Variants in TFDP1 observed in about 807,000 individuals in gnomAD.
The protein encoded by TFDP1 is transcription factor Dp-1.
In TFDP1, 6 loss-of-function variants were observed where a neutral mutation model predicts 48.0. The ratio of observed to expected loss-of-function variants is 0.13; its 90% CI spans 0.07 to 0.25. TFDP1 has a LOEUF of 0.25. Among genes scored for constraint, TFDP1 ranks in the 10% least tolerant of loss-of-function variants. The pLI is 1.00. For missense variants in TFDP1, 335 were observed against 543.0 expected, an observed-to-expected ratio of 0.62 and a Z score of 3.81; for synonymous variants, 201 against 211.6, an observed-to-expected ratio of 0.95 and a Z score of 0.44.
intron 3 of TFDP1, among the ~76,000 whole-genome samples, chr13:113,619,852 G>A (rs2048955509): frequency 6.6e-6 from 1 of 152,132 alleles, no homozygotes; most frequent in Non-Finnish European, 1.5e-5. Context: ...GCTGGGAGGG[G>A]CCCTCTGTGC....
chr13:113,631,543 G>A, intron 4 of TFDP1, 80 bp from the exon 5 acceptor site: 12 of 1,518,896 alleles, frequency 7.9e-6, no homozygotes, highest in Non-Finnish European at 1.1e-5. Flanking sequence ...AGTGGCTGCG[G>A]ATAGCGAACA....
At position 113,598,334 on chromosome 13, in the gene TFDP1, T is replaced by G. The variant is rs1241694116; in HGVS notation, c.12+12485T>G. On this transcript the variant is annotated intron_variant, in intron 2 of 11. Coordinates refer to ENST00000375370, the MANE Select transcript of TFDP1 (RefSeq NM_007111.5). The surrounding 1 kb of genome is among the most constrained non-coding windows in gnomAD (Gnocchi z 4.2). The stretch of plus-strand genomic sequence containing the variant: ...TGCCTGTTGTAGACTAGAGCATCAT[T>G]TGGTGTTTTTCTGCTGGAAAAGCAG... Among the ~76,000 whole-genome samples the G allele has an allele frequency of 6.6e-6, 1 of 152,126 alleles. No homozygotes were observed. The highest frequency in any genetic ancestry group is 6.5e-5 in the Admixed American group (1 of 15,278).
At chr13:113,616,762 G>A (rs1199661343) in intron 3 of TFDP1, among the ~76,000 whole-genome samples, 4 of 152,142 alleles carry the variant, frequency 2.6e-5, no homozygotes, top group Admixed American at 6.6e-5. Context: ...CTTGCCCCCC[G>A]ACACACGCAC....
chr13:113,620,929 C>G (rs533687044), intron 3 of TFDP1, among the ~76,000 whole-genome samples: 8 of 152,294 alleles, frequency 5.3e-5, no homozygotes, highest in Non-Finnish European at 8.8e-5. Flanking sequence ...TAATCACTTC[C>G]TAATGATCTG....
Position 113,641,151 on chromosome 13 carries a change from T to C in TFDP1, c.*884T>C, listed in dbSNP as rs572993258. 1 of 152,786 alleles carries C rather than the reference T, an allele frequency of 6.5e-6. No homozygotes were observed. Among genetic ancestry groups the C allele is most frequent in the Admixed American group, 6.5e-5 (1 of 15,308 alleles). 9.5% of individuals were successfully genotyped at this position (152,786 alleles called of 1,614,324 possible). On this transcript the variant is annotated 3_prime_UTR_variant, in exon 12 of 12. Coordinates refer to ENST00000375370, the MANE Select transcript of TFDP1 (RefSeq NM_007111.5). ...TTCATAAGCATCTTCCTGTAATCTA[T>C]TATAAAATTGAAATTAAATATAGAG...
intron 2 of TFDP1, 124 bp from the exon 3 acceptor site, chr13:113,610,872 A>G: frequency 3.5e-6 from 3 of 848,556 alleles, no homozygotes; most frequent in Non-Finnish European, 5.8e-6. Flanking sequence ...TTGCTTGCTT[A>G]ACTGTGGTCC....
rs2049197788 is a variant in TFDP1 at position 113,627,017 on chromosome 13, G to A, written c.186+3731G>A. Among the ~76,000 whole-genome samples the A allele has an allele frequency of 6.6e-6, 1 of 152,248 alleles. No individual in the cohort carries two copies. The highest frequency in any genetic ancestry group is 6.5e-5 in the Admixed American group (1 of 15,290). Reference sequence around the variant, plus strand: ...TCCTGATTTAAATTCAGCTGTTCGGGTGGAGTTTGTCATTGCTGTTTTGTG... The same window carrying A: ...TCCTGATTTAAATTCAGCTGTTCGGATGGAGTTTGTCATTGCTGTTTTGTG... On this transcript the variant is annotated intron_variant, in intron 4 of 11. Coordinates refer to ENST00000375370, the MANE Select transcript of TFDP1 (RefSeq NM_007111.5). This position sits in a 1 kb window ranked among gnomAD's most constrained non-coding sequence, Gnocchi z 4.1.
chr13:113,614,289 G>A (rs1351864166), intron 3 of TFDP1, among the ~76,000 whole-genome samples: 2 of 152,138 alleles, frequency 1.3e-5, no homozygotes, highest in African/African-American at 4.8e-5. Flanking sequence ...GTGTAAGCGT[G>A]CAGTCCTCGC....
chr13:113,591,009 CAAAAAAAAAAA>C (rs71101595), intron 2 of TFDP1, among the ~76,000 whole-genome samples: 1 of 59,858 alleles, frequency 1.7e-5, no homozygotes, highest in African/African-American at 7.0e-5. Flanking sequence ...GACTCTGTCT[CAAAAAAAAAAA>C]AAAAAAAAAA....
intron 2 of TFDP1, among the ~76,000 whole-genome samples, chr13:113,605,948 G>A (rs192078494): frequency 1.5e-5 from 2 of 137,334 alleles, no homozygotes; most frequent in African/African-American, 3.2e-5. Context: ...AAGGCGGCGC[G>A]GTGGTGAGTG....
intron 2 of TFDP1, among the ~76,000 whole-genome samples, chr13:113,605,054 G>A (rs889422630): frequency 1.3e-5 from 2 of 152,232 alleles, no homozygotes; most frequent in East Asian, 1.9e-4. Flanking sequence ...TGTGTTTGAC[G>A]GCAAATGGGA....
chr13:113,629,698 C>T (rs549041563), intron 4 of TFDP1, among the ~76,000 whole-genome samples: 60 of 152,240 alleles, frequency 3.9e-4, no homozygotes, highest in South Asian at 8.3e-4. Context: ...ACGTGCATTT[C>T]GACTTAGGGT....
chr13:113,635,947 G>A lies in TFDP1; in HGVS notation c.688-30G>A, dbSNP rs780550503. The A allele has an allele frequency of 2.9e-5, 46 of 1,605,242 alleles. 1 individual carries two copies. Among genetic ancestry groups the A allele is most frequent in the Middle Eastern group, 3.7e-4 (2 of 5,404 alleles). On this transcript the variant is annotated intron_variant, in intron 8 of 11. Transcript: ENST00000375370. ...AGGGGCTGCGTTCTTGTGCCGCCAC[G>A]GGCCACCTGGCTCCTCTTATTTTTT...
chr13:113,592,339 T>G (rs1292746718), intron 2 of TFDP1, among the ~76,000 whole-genome samples: 1 of 152,238 alleles, frequency 6.6e-6, no homozygotes, highest in Non-Finnish European at 1.5e-5. Context: ...GTATTTTTAG[T>G]AGAGACGGGG....
Position 113,637,855 on chromosome 13 carries a change from G to A in TFDP1, c.1044G>A (p.Thr348=), listed in dbSNP as rs775048078. The A allele has an allele frequency of 8.7e-6, 14 of 1,614,016 alleles. No individual in the cohort carries two copies. The highest frequency in any genetic ancestry group is 6.7e-5 in the Admixed American group (4 of 60,002). ...AQGTVGGVFI[T]TAGSTSNGTR... is the part of the protein sequence containing the mutation. The stretch of plus-strand genomic sequence containing the variant: ...GAACTGTTGGAGGCGTGTTCATCAC[G>A]ACGGCAGGTTCCACGTCTAACGGCA... The change falls in exon 11 of 12, where the codon ACG becomes ACA. Residue 348 remains threonine (T), a synonymous_variant. Transcript: ENST00000375370.
chr13:113,635,584 G>A (rs1205979488), intron 8 of TFDP1, among the ~76,000 whole-genome samples: 2 of 152,296 alleles, frequency 1.3e-5, no homozygotes, highest in African/African-American at 2.4e-5. Context: ...ACTTTCCAGG[G>A]TGGGCAAAGT....
In TFDP1 at chr13:113,633,797, G is replaced by A; in HGVS notation, c.475-93G>A. 2.1e-6 allele frequency: 3 copies of A among 1,463,116 alleles called. No homozygotes were observed. Among genetic ancestry groups the A allele is most frequent in the South Asian group, 2.7e-5 (2 of 74,842 alleles). The allele number at this position is 1,463,116 out of a possible 1,614,324, so 90.6% of individuals were successfully genotyped here. ...GTTGGGGTGGCGGCTCCGTGAGCGG[G>A]GTGCCCCTTTGAGCCAGTGCCCATG... is the stretch of plus-strand genomic sequence containing the variant. On this transcript the variant is annotated intron_variant, in intron 6 of 11. Transcript: ENST00000375370. The surrounding 1 kb of genome is among the most constrained non-coding windows in gnomAD (Gnocchi z 4.5).
At chr13:113,596,506 G>A (rs147287556) in intron 2 of TFDP1, among the ~76,000 whole-genome samples, 2 of 152,302 alleles carry the variant, frequency 1.3e-5, no homozygotes, top group Non-Finnish European at 2.9e-5. Flanking sequence ...GAGACCCTGG[G>A]TGTCCCCTCC....
At chr13:113,603,236 T>TC (rs1258503613) in intron 2 of TFDP1, among the ~76,000 whole-genome samples, 10 of 152,210 alleles carry the variant, frequency 6.6e-5, no homozygotes, top group African/African-American at 2.2e-4. Flanking sequence ...TCATGGGCCT[T>TC]CGAGTGTAAG....
Sources: gnomAD v4.1 joint callset for allele counts (sites outside exome capture counted in the v4.1 genomes callset) on GRCh38, gnomAD v4.1.1 for gene constraint, Gnocchi (gnomAD v3.1) non-coding constraint, MANE v1.5 for transcripts, NCBI Gene and HGNC (gene_info 2026-07-23, HGNC 2026-07-21) for gene names.